The following RGS3 variants were observed in gnomAD, a reference collection of about 807,000 sequenced individuals.
The protein encoded by RGS3 is regulator of G protein signaling 3.
RGS3 carries 80 observed loss-of-function variants against 132.6 expected under a neutral mutation model. That is an observed-to-expected ratio of 0.60 (90% CI 0.50 to 0.73). RGS3 has a LOEUF of 0.73. Ranked by LOEUF, RGS3 falls within the 30% of genes least tolerant of loss-of-function variation. The pLI, the probability that RGS3 is intolerant of heterozygous loss-of-function variation, is 0.00. For missense variants in RGS3, 1,382 were observed against 1,530.8 expected, an observed-to-expected ratio of 0.90 and a Z score of 1.62; for synonymous variants, 598 against 620.6, an observed-to-expected ratio of 0.96 and a Z score of 0.54.
At chr9:113,467,268 A>G (rs984224956) in intron 3 of RGS3, among the ~76,000 whole-genome samples, 2 of 152,202 alleles carry the variant, frequency 1.3e-5, no homozygotes, top group East Asian at 1.9e-4. Context: ...GCTGAGTCCT[A>G]TGGTAACTCT....
At chr9:113,560,303 G>C (rs1035367960) in intron 19 of RGS3, among the ~76,000 whole-genome samples, 1 of 152,152 alleles carries the variant, frequency 6.6e-6, no homozygotes, top group Non-Finnish European at 1.5e-5. Context: ...ACAAACCACA[G>C]CTCCCTGTGA....
chr9:113,576,418 G>A (rs557141491), intron 19 of RGS3, among the ~76,000 whole-genome samples: 74 of 149,820 alleles, frequency 4.9e-4, no homozygotes, highest in Non-Finnish European at 8.4e-4. Flanking sequence ...TGCAACCTCC[G>A]CCTCTGGGGT....
At chr9:113,556,637 C>T (rs532612645) in intron 19 of RGS3, among the ~76,000 whole-genome samples, 27 of 152,132 alleles carry the variant, frequency 1.8e-4, no homozygotes, top group Non-Finnish European at 3.1e-4. Context: ...CCCTGCCTGT[C>T]GGGTCCCAAC....
At chr9:113,450,661 C>T (rs891366548) in intron 1 of RGS3, among the ~76,000 whole-genome samples, 4 of 151,946 alleles carry the variant, frequency 2.6e-5, no homozygotes, top group African/African-American at 4.8e-5. Context: ...CGTGCATGAG[C>T]TCTCAGAGGG....
At position 113,591,914 on chromosome 9, in the gene RGS3, GTGTT is replaced by G. The variant is rs1453832880; in HGVS notation, c.3080+522_3080+525del. On this transcript the variant is annotated intron_variant, in intron 21 of 24. Transcript: ENST00000350696. The surrounding 1 kb of genome is among the most constrained non-coding windows in gnomAD (Gnocchi z 4.4). ...CACTCAGGCCTTCTTATACTATAGG[GTGTT>G]TGTTAGAGGTGTCAATGAAAAAGAT... The G allele has an allele frequency of 2.5e-5, 4 of 159,710 alleles. No individual in the cohort carries two copies. The highest frequency in any genetic ancestry group is 9.6e-5 in the African/African-American group (4 of 41,710). The allele number at this position is 159,710 out of a possible 1,614,324, so 9.9% of individuals were successfully genotyped here.
At chr9:113,499,578 G>A (rs1220948995) in intron 10 of RGS3, among the ~76,000 whole-genome samples, 1 of 152,198 alleles carries the variant, frequency 6.6e-6, no homozygotes, top group East Asian at 1.9e-4. Context: ...ACATTTTCAC[G>A]TTCACTGACT....
chr9:113,447,329 G>GTATATGTATATATATATATATA (rs1554751011), intron 1 of RGS3, among the ~76,000 whole-genome samples: 5 of 27,552 alleles, frequency 1.8e-4, no homozygotes, highest in African/African-American at 4.9e-4. Context: ...GTATGTATAT[G>GTATATGTATATATATATATATA]TATATATATA....
chr9:113,446,375 A>G (rs1468608256), intron 1 of RGS3, among the ~76,000 whole-genome samples: 1 of 152,204 alleles, frequency 6.6e-6, no homozygotes, highest in African/African-American at 2.4e-5. Context: ...ATTCCCAGGA[A>G]TATAGCTTTG....
exon 3 of RGS3, chr9:113,462,160 C>A: frequency 6.2e-7 from 1 of 1,614,140 alleles, no homozygotes; most frequent in Non-Finnish European, 8.5e-7. Flanking sequence ...CAAACTTCTC[C>A]AGCCAGGAAG....
chr9:113,563,955 T>C (rs1588256337), intron 19 of RGS3, among the ~76,000 whole-genome samples: 2 of 151,800 alleles, frequency 1.3e-5, no homozygotes, highest in East Asian at 1.9e-4. Context: ...CATGGGAAAA[T>C]AGAGGCTCCT....
chr9:113,447,329 G>GTATATATGTATA (rs1305095004), intron 1 of RGS3, among the ~76,000 whole-genome samples: 33 of 27,548 alleles, frequency 1.2e-3, no homozygotes, highest in Admixed American at 3.4e-3. Context: ...GTATGTATAT[G>GTATATATGTATA]TATATATATA....
intron 18 of RGS3, among the ~76,000 whole-genome samples, chr9:113,532,592 A>G (rs1468964751): frequency 6.6e-6 from 1 of 152,146 alleles, no homozygotes; most frequent in East Asian, 1.9e-4. Context: ...GGAGATTCCC[A>G]TGGGGCAGGG....
At chr9:113,517,421 G>T (rs72761985) in intron 15 of RGS3, 120 bp from the exon 14 acceptor site, 70,065 of 795,956 alleles carry the variant, frequency 0.088, 3,732 homozygotes, top group African/African-American at 0.13. Context: ...GTGGCGGGCT[G>T]ACAGTCTTCT....
In RGS3 at chr9:113,508,706, C is replaced by T. The variant is rs901381828; in HGVS notation, c.1477+126C>T. On this transcript the variant is annotated intron_variant, in intron 14 of 24. Coordinates refer to ENST00000350696, the Ensembl canonical transcript of RGS3. ...AATGGAGTCAGGTCACTTAGCCTAT[C>T]GACACAGACTCTCTTTCCACGTGGT... 5.1e-5 allele frequency: 44 copies of T among 856,722 alleles called. 1 individual carries two copies. Among genetic ancestry groups the T allele is most frequent in the Middle Eastern group, 2.2e-4 (1 of 4,526 alleles). 53.1% of individuals were successfully genotyped at this position (856,722 alleles called of 1,614,324 possible). A position where few individuals can be genotyped will look rare whatever the true frequency, so the allele number is the denominator to read the frequency against.
intron 7 of RGS3, among the ~76,000 whole-genome samples, chr9:113,491,225 A>G (rs1261442814): frequency 2.0e-5 from 3 of 147,742 alleles, no homozygotes; most frequent in Admixed American, 6.8e-5. Context: ...TAATTAAAGA[A>G]TGTTATATAT....
chr9:113,576,504 G>C (rs1834531614), intron 19 of RGS3, among the ~76,000 whole-genome samples: 1 of 151,926 alleles, frequency 6.6e-6, no homozygotes, highest in Non-Finnish European at 1.5e-5. Context: ...GCTAATTTTT[G>C]TATTTTTGGT....
At chr9:113,520,026 C>T (rs12336719) in intron 16 of RGS3, among the ~76,000 whole-genome samples, 17,987 of 152,188 alleles carry the variant, frequency 0.12, 1,268 homozygotes, top group African/African-American at 0.19. Context: ...AAACTCTGCT[C>T]TTAGGTCAGA....
Position 113,508,886 on chromosome 9 carries a change from T to C in RGS3, c.1477+306T>C, listed in dbSNP as rs143689012. Among the ~76,000 whole-genome samples, 112 of 152,196 alleles carry C rather than the reference T, an allele frequency of 7.4e-4. 1 individual carries two copies. Among genetic ancestry groups the C allele is most frequent in the African/African-American group, 2.4e-3 (101 of 41,540 alleles). The stretch of plus-strand genomic sequence containing the variant: ...CCAATTTTACAGAGCAACCGATATA[T>C]ATTAGGTGCCAGAGGCAATGTGGTT... On this transcript the variant is annotated intron_variant, in intron 14 of 24. Coordinates refer to ENST00000350696, the Ensembl canonical transcript of RGS3.
At position 113,508,920 on chromosome 9, in the gene RGS3, A is replaced by G. The variant is rs527356175; in HGVS notation, c.1477+340A>G. 2.4e-4 allele frequency among the ~76,000 whole-genome samples: 37 copies of G among 152,262 alleles called. No individual in the cohort carries two copies. In the South Asian group the frequency reaches 6.8e-3, roughly 28 times the overall value. Reference sequence around the variant, plus strand: ...CCAGAGGCAATGTGGTTGGGCTTGCATGGAAGGGAGTCAGGGAGCGTGGAG... The same window carrying G: ...CCAGAGGCAATGTGGTTGGGCTTGCGTGGAAGGGAGTCAGGGAGCGTGGAG... On this transcript the variant is annotated intron_variant, in intron 14 of 24. Transcript: ENST00000350696.
Sources: allele counts gnomAD v4.1 joint callset (sites outside exome capture counted in the v4.1 genomes callset), GRCh38; gene constraint gnomAD v4.1.1; non-coding constraint Gnocchi (gnomAD v3.1); transcripts MANE v1.5; gene names NCBI Gene and HGNC (gene_info 2026-07-23, HGNC 2026-07-21).